DLG2: variants seen among roughly 807,000 people sequenced by gnomAD.
The protein encoded by DLG2 is disks large homolog 2.
Under a neutral mutation model 132.5 loss-of-function variants are expected in DLG2, and 45 were observed. The observed-to-expected ratio is 0.34, with a 90% CI of 0.27 to 0.44. The LOEUF is 0.44. DLG2 is among the 20% of genes least tolerant of loss of function. The probability of loss-of-function intolerance (pLI) is 1.00; values close to 1 mark genes in which losing one functional copy is unlikely to be tolerated. For synonymous variants in DLG2, 424 were observed against 419.6 expected (o/e 1.01, Z -0.13); for missense variants, 1,045 against 1,196.9 (o/e 0.87, Z 1.87).
intron 19 of DLG2, among the ~76,000 whole-genome samples, chr11:83,573,963 C>T (rs957128070): frequency 6.6e-6 from 1 of 152,154 alleles, no homozygotes; most frequent in African/African-American, 2.4e-5. Flanking sequence ...TTTTGAGTCT[C>T]ATGTTTTTCA....
intron 3 of DLG2, among the ~76,000 whole-genome samples, chr11:85,568,173 C>T (rs769152976): frequency 1.3e-5 from 2 of 151,894 alleles, no homozygotes; most frequent in Non-Finnish European, 1.5e-5. Context: ...CACCACCATG[C>T]CTGGCTAATT....
intron 11 of DLG2, among the ~76,000 whole-genome samples, chr11:84,036,553 A>G (rs17146614): frequency 6.6e-6 from 1 of 152,080 alleles, no homozygotes; most frequent in East Asian, 1.9e-4. Context: ...TTCACAATCA[A>G]CTATTACATT....
chr11:83,590,082 C>T (rs1405725722), intron 19 of DLG2, among the ~76,000 whole-genome samples: 8 of 112,932 alleles, frequency 7.1e-5, no homozygotes, highest in Non-Finnish European at 9.0e-5. Flanking sequence ...GACAGATCAA[C>T]GAGACAGAAG....
At chr11:83,868,668 T>C (rs375960962) in intron 16 of DLG2, among the ~76,000 whole-genome samples, 1 of 152,086 alleles carries the variant, frequency 6.6e-6, no homozygotes, top group Non-Finnish European at 1.5e-5. Flanking sequence ...CACTTAAATA[T>C]CTGTGATAAG....
chr11:84,747,941 T>G (rs555568681), intron 6 of DLG2, among the ~76,000 whole-genome samples: 13 of 152,228 alleles, frequency 8.5e-5, no homozygotes, highest in Non-Finnish European at 1.5e-4. Context: ...ACTTCTAGAC[T>G]AGACAAGTCA....
At chr11:84,030,776 G>A (rs1239335547) in intron 11 of DLG2, among the ~76,000 whole-genome samples, 1 of 152,118 alleles carries the variant, frequency 6.6e-6, no homozygotes, top group African/African-American at 2.4e-5. Flanking sequence ...ATTGGGAGCT[G>A]CATTGGAGAG....
chr11:85,204,359 C>T (rs2081706927), intron 4 of DLG2, among the ~76,000 whole-genome samples: 1 of 151,994 alleles, frequency 6.6e-6, no homozygotes, highest in South Asian at 2.1e-4. Flanking sequence ...CATCAACATA[C>T]AAAAATCAGT....
chr11:84,558,071 A>G lies in DLG2; in HGVS notation c.358-23340T>C, dbSNP rs577684196. The stretch of plus-strand genomic sequence containing the variant: ...CAGGATTTATAGATACATTATATGT[A>G]AGGGGTGAGAAAGATAAAGGAGTCA... On this transcript the variant is annotated intron_variant, in intron 6 of 27. Transcript: ENST00000376104. 2.0e-5 allele frequency among the ~76,000 whole-genome samples: 3 copies of G among 152,300 alleles called. No individual in the cohort carries two copies. In the East Asian group the frequency reaches 5.8e-4, roughly 29 times the overall value.
At chr11:84,372,273 G>T (rs1278674203) in intron 7 of DLG2, among the ~76,000 whole-genome samples, 2 of 152,136 alleles carry the variant, frequency 1.3e-5, no homozygotes, top group African/African-American at 4.8e-5. Flanking sequence ...CACAATTTCA[G>T]TGTTGCTTTT....
intron 9 of DLG2, among the ~76,000 whole-genome samples, chr11:84,132,168 T>C (rs2094445978): frequency 6.6e-6 from 1 of 151,960 alleles, no homozygotes; most frequent in Non-Finnish European, 1.5e-5. Context: ...TTAGCTTTAG[T>C]CCAAACGGTT....
At chr11:83,753,795 GATATATCAT>G (rs1161382884) in intron 18 of DLG2, among the ~76,000 whole-genome samples, 1 of 101,298 alleles carries the variant, frequency 9.9e-6, no homozygotes, top group East Asian at 2.3e-4. Flanking sequence ...TCATATATAT[GATATATCAT>G]ATATATCATA....
At chr11:84,768,237 G>A (rs1217675699) in intron 6 of DLG2, among the ~76,000 whole-genome samples, 1 of 152,096 alleles carries the variant, frequency 6.6e-6, no homozygotes, top group East Asian at 1.9e-4. Context: ...GCTCATTATG[G>A]CTATTTTAGT....
chr11:83,576,920 C>A (rs542062499), intron 19 of DLG2, among the ~76,000 whole-genome samples: 1 of 152,208 alleles, frequency 6.6e-6, no homozygotes, highest in East Asian at 1.9e-4. Flanking sequence ...AAACAATTGT[C>A]CACTGTGATG....
intron 8 of DLG2, among the ~76,000 whole-genome samples, chr11:84,221,220 C>T (rs1189928490): frequency 1.3e-5 from 2 of 151,972 alleles, no homozygotes; most frequent in Non-Finnish European, 2.9e-5. Context: ...AATCCCAGCA[C>T]TTTGGGAGGC....
intron 6 of DLG2, among the ~76,000 whole-genome samples, chr11:84,880,538 A>C (rs530527702): frequency 1.3e-5 from 2 of 152,194 alleles, no homozygotes; most frequent in Non-Finnish European, 2.9e-5. Flanking sequence ...AATAATTAAA[A>C]GATAAATATA....
At chr11:84,087,422 T>TA (rs1180213311) in intron 10 of DLG2, among the ~76,000 whole-genome samples, 2 of 152,238 alleles carry the variant, frequency 1.3e-5, no homozygotes, top group African/African-American at 4.8e-5. Flanking sequence ...GACATCTTTT[T>TA]ATGTGCTCAT....
At position 84,474,011 on chromosome 11, in the gene DLG2, G is replaced by T. The variant is rs1006617525; in HGVS notation, c.519+60559C>A. Among the ~76,000 whole-genome samples, 18 of 151,940 alleles carry T rather than the reference G, an allele frequency of 1.2e-4. 1 individual carries two copies. Among genetic ancestry groups the T allele is most frequent in the African/African-American group, 4.1e-4 (17 of 41,404 alleles). Reference sequence around the variant, plus strand: ...AAAAGTAGTTCATTCTCCTATTTATGTCATCCTGCCACAATGAGCATGCAG... The same window carrying T: ...AAAAGTAGTTCATTCTCCTATTTATTTCATCCTGCCACAATGAGCATGCAG... On this transcript the variant is annotated intron_variant, in intron 7 of 27. Transcript: ENST00000376104.
intron 6 of DLG2, among the ~76,000 whole-genome samples, chr11:85,110,098 C>T (rs915724553): frequency 6.6e-6 from 1 of 151,994 alleles, no homozygotes; most frequent in African/African-American, 2.4e-5. Context: ...CATGGAGAAA[C>T]AGATGTAGGA....
intron 6 of DLG2, among the ~76,000 whole-genome samples, chr11:84,800,285 T>C (rs2075207616): frequency 2.6e-5 from 4 of 152,204 alleles, no homozygotes. Flanking sequence ...TAGGTGTTTG[T>C]ATATCATTTT....
Sources: allele counts gnomAD v4.1 joint callset (sites outside exome capture counted in the v4.1 genomes callset), GRCh38; gene constraint gnomAD v4.1.1; transcripts MANE v1.5; gene names NCBI Gene and HGNC (gene_info 2026-07-23, HGNC 2026-07-21).